ABCA13: variants seen among roughly 807,000 people sequenced by gnomAD.
The protein encoded by ABCA13 is ATP-binding cassette sub-family A member 13.
Under a neutral mutation model 478.7 loss-of-function variants are expected in ABCA13, and 476 were observed. The ratio of observed to expected loss-of-function variants is 0.99; its 90% confidence interval spans 0.92 to 1.07. ABCA13 has a LOEUF of 1.07. ABCA13 is among the 50% of genes least tolerant of loss of function. The pLI, the probability that ABCA13 is intolerant of heterozygous loss-of-function variation, is 0.00. For missense variants in ABCA13, 6,060 were observed against 5,910.6 expected (o/e 1.03, Z -0.83); for synonymous variants, 2,252 against 2,158.9 (o/e 1.04, Z -1.20).
intron 27 of ABCA13, among the ~76,000 whole-genome samples, chr7:48,321,980 C>T (rs1014855333): frequency 1.3e-5 from 2 of 152,224 alleles, no homozygotes; most frequent in Non-Finnish European, 2.9e-5. Context: ...GAGCCTGAAT[C>T]ACTCAGAGGA....
At chr7:48,480,102 G>A (rs1364058730) in intron 45 of ABCA13, among the ~76,000 whole-genome samples, 1 of 152,140 alleles carries the variant, frequency 6.6e-6, no homozygotes, top group African/African-American at 2.4e-5. Context: ...TCAGGCAAGG[G>A]ACTGAAATAC....
chr7:48,525,666 TGC>T, intron 54 of ABCA13, among the ~76,000 whole-genome samples: 1 of 112,266 alleles, frequency 8.9e-6, no homozygotes, highest in Non-Finnish European at 1.7e-5. Context: ...TCTGTTTAGA[TGC>T]GCTTTTTTTT....
intron 31 of ABCA13, among the ~76,000 whole-genome samples, chr7:48,366,914 C>T (rs543894892): frequency 7.9e-5 from 12 of 152,258 alleles, no homozygotes; most frequent in Admixed American, 7.2e-4. Flanking sequence ...ACCTTGCCGA[C>T]ACACTGGAAT....
chr7:48,593,214 C>A (rs910757680), intron 57 of ABCA13, among the ~76,000 whole-genome samples: 7 of 137,644 alleles, frequency 5.1e-5, no homozygotes, highest in African/African-American at 8.0e-5. Flanking sequence ...TGTTGGTATG[C>A]TTTGATTCAT....
chr7:48,287,908 G>A (rs930748226), intron 19 of ABCA13, 52 bp from the exon 20 acceptor site: 1,772 of 1,388,012 alleles, frequency 1.3e-3, no homozygotes, highest in East Asian at 6.6e-3. Context: ...AGAGTGGCTA[G>A]TTCAGGAGAG....
At position 48,618,296 on chromosome 7, in the gene ABCA13, T is replaced by G. The variant is rs563833309; in HGVS notation, c.14837+2919T>G. Among the ~76,000 whole-genome samples the G allele has an allele frequency of 5.4e-3, 825 of 152,294 alleles. 10 individuals are homozygous for G. The highest frequency in any genetic ancestry group is 0.019 in the African/African-American group (776 of 41,546). The stretch of plus-strand genomic sequence containing the variant: ...GCTTTCTTGGGTCTTAAGCAAAACC[T>G]TGGTACATGCACTTCACCATCTGAG... On this transcript the variant is annotated intron_variant, in intron 59 of 61. Transcript: ENST00000435803.
At chr7:48,327,555 T>C (rs550611205) in intron 27 of ABCA13, among the ~76,000 whole-genome samples, 3 of 152,214 alleles carry the variant, frequency 2.0e-5, no homozygotes, top group Non-Finnish European at 4.4e-5. Flanking sequence ...GGAGTAGACA[T>C]TGTTAAATCC....
intron 55 of ABCA13, among the ~76,000 whole-genome samples, chr7:48,571,502 A>C (rs1209710350): frequency 6.7e-6 from 1 of 149,390 alleles, no homozygotes; most frequent in African/African-American, 2.5e-5. Context: ...TTTTCTTTTA[A>C]CCTTTTGACA....
In ABCA13 at chr7:48,403,674, T is replaced by TA; in HGVS notation, c.11874-7dup. On this transcript the variant is annotated splice_polypyrimidine_tract_variant and intron_variant, in intron 38 of 61. Transcript: ENST00000435803. ...CAGGGAGAAGAGTGATGTTTTCTTC[T>TA]AATTTCAGAACTCTTCAGGATGTGG... 6.2e-7 allele frequency: 1 copy of TA among 1,612,776 alleles called. No individual in the cohort carries two copies. Among genetic ancestry groups the TA allele is most frequent in the South Asian group, 1.1e-5 (1 of 90,906 alleles).
chr7:48,313,602 A>G (rs1802095317), intron 25 of ABCA13, among the ~76,000 whole-genome samples: 1 of 152,254 alleles, frequency 6.6e-6, no homozygotes, highest in Admixed American at 6.5e-5. Flanking sequence ...ATATTTACTT[A>G]TAAATAATTG....
At chr7:48,402,996 A>G (rs778814645) in intron 38 of ABCA13, among the ~76,000 whole-genome samples, 4 of 152,222 alleles carry the variant, frequency 2.6e-5, no homozygotes, top group Non-Finnish European at 5.9e-5. Flanking sequence ...ACAGGGCCAC[A>G]GTGGTGAGGG....
intron 15 of ABCA13, among the ~76,000 whole-genome samples, chr7:48,252,012 T>C (rs62449181): frequency 0.13 from 19,167 of 152,140 alleles, 1,243 homozygotes; most frequent in South Asian, 0.18. Flanking sequence ...TGGGTCTCTT[T>C]GGGTTTATGC....
At chr7:48,430,256 C>T (rs1315161989) in intron 42 of ABCA13, among the ~76,000 whole-genome samples, 3 of 152,146 alleles carry the variant, frequency 2.0e-5, no homozygotes, top group African/African-American at 7.2e-5. Context: ...TTTCTCAAAT[C>T]AGTTTCAGTG....
At chr7:48,575,496 C>T (rs1189231070) in intron 55 of ABCA13, among the ~76,000 whole-genome samples, 1 of 152,108 alleles carries the variant, frequency 6.6e-6, no homozygotes, top group African/African-American at 2.4e-5. Flanking sequence ...TTATATTTAT[C>T]ACATACAACA....
intron 5 of ABCA13, among the ~76,000 whole-genome samples, chr7:48,225,135 G>GCCTGCCTGCCTGCCTGCCTGCCTGCCTT (rs1312566145): frequency 1.4e-5 from 1 of 69,862 alleles, no homozygotes; most frequent in African/African-American, 5.4e-5. Context: ...CTGCCTGCCT[G>GCCTGCCTGCCTGCCTGCCTGCCTGCCTT]CCTTCCTTCC....
At chr7:48,230,555 C>T (rs965506129) in intron 7 of ABCA13, among the ~76,000 whole-genome samples, 1 of 152,212 alleles carries the variant, frequency 6.6e-6, no homozygotes, top group Admixed American at 6.5e-5. Context: ...GAGAGAACAA[C>T]AAAGTTGGAA....
chr7:48,394,785 C>T (rs948008593), intron 38 of ABCA13, among the ~76,000 whole-genome samples: 2 of 151,842 alleles, frequency 1.3e-5, no homozygotes, highest in Non-Finnish European at 2.9e-5. Flanking sequence ...TTTGGTGCAC[C>T]CATCGCTTGA....
chr7:48,407,530 A>T (rs1299666367), intron 39 of ABCA13, among the ~76,000 whole-genome samples: 1 of 152,106 alleles, frequency 6.6e-6, no homozygotes, highest in African/African-American at 2.4e-5. Flanking sequence ...TACAGCAATA[A>T]AAATAATACA....
intron 41 of ABCA13, among the ~76,000 whole-genome samples, chr7:48,425,280 A>AGAAAAG (rs1175031223): frequency 6.6e-6 from 1 of 152,216 alleles, no homozygotes; most frequent in Non-Finnish European, 1.5e-5. Flanking sequence ...GAGAGGGGCT[A>AGAAAAG]GAAAAGGAAA....
Sources: allele counts gnomAD v4.1 joint callset (sites outside exome capture counted in the v4.1 genomes callset), GRCh38; gene constraint gnomAD v4.1.1; transcripts MANE v1.5; gene names NCBI Gene and HGNC (gene_info 2026-07-23, HGNC 2026-07-21).